Variants in CDC42EP3 observed in about 807,000 individuals in gnomAD.
CDC42EP3 encodes the protein CDC42 effector protein (Rho GTPase binding) 3.
In CDC42EP3, 4 loss-of-function variants were observed where a neutral mutation model predicts 15.5. The observed-to-expected ratio is 0.26, with a 90% confidence interval of 0.13 to 0.59. The LOEUF is 0.59. Among genes scored for constraint, CDC42EP3 ranks in the 20% least tolerant of loss-of-function variants. CDC42EP3 has a pLI of 0.89. For synonymous variants in CDC42EP3, 145 were observed against 130.3 expected, an observed-to-expected ratio of 1.11 and a Z score of -0.77; for missense variants, 309 against 311.2, an observed-to-expected ratio of 0.99 and a Z score of 0.05.
intron 1 of CDC42EP3, among the ~76,000 whole-genome samples, chr2:37,656,878 C>G (rs1218267598): frequency 1.3e-5 from 2 of 151,728 alleles, no homozygotes; most frequent in Non-Finnish European, 2.9e-5. Flanking sequence ...CCATCTCTAA[C>G]TCACTAGGAC....
rs981874486 is a variant in CDC42EP3, at chr2:37,642,090, G to A, written c.*3733C>T. 6.6e-6 allele frequency: 1 copy of A among 152,106 alleles called. No individual in the cohort carries two copies. Among genetic ancestry groups the A allele is most frequent in the African/African-American group, 2.4e-5 (1 of 41,408 alleles). 9.4% of individuals were successfully genotyped at this position (152,106 alleles called of 1,614,324 possible). A position where few individuals can be genotyped will look rare whatever the true frequency, so the allele number is the denominator to read the frequency against. ...AGCTGAAAAATATTTAGATCTACTT[G>A]CTCTAAGAATAAGGTCAACATTAAA... On this transcript the variant is annotated 3_prime_UTR_variant, in exon 2 of 2. Coordinates refer to ENST00000295324, the MANE Select transcript of CDC42EP3 (RefSeq NM_006449.5).
chr2:37,650,185 AC>A (rs1353548441), intron 1 of CDC42EP3, among the ~76,000 whole-genome samples: 1 of 152,124 alleles, frequency 6.6e-6, no homozygotes, highest in Non-Finnish European at 1.5e-5. Flanking sequence ...CTCAGGGGCA[AC>A]CATGATTGAT....
chr2:37,649,397 G>A (rs975122345), intron 1 of CDC42EP3, among the ~76,000 whole-genome samples: 1 of 137,214 alleles, frequency 7.3e-6, no homozygotes, highest in Admixed American at 8.0e-5. Context: ...CAAGGCTGCG[G>A]AGAGCTATGA....
At chr2:37,664,031 G>T (rs564772617) in intron 1 of CDC42EP3, among the ~76,000 whole-genome samples, 1 of 152,154 alleles carries the variant, frequency 6.6e-6, no homozygotes, top group Non-Finnish European at 1.5e-5. Context: ...AAAATTAGCC[G>T]GTCGTTGTGG....
chr2:37,645,794 T>C lies in CDC42EP3; in HGVS notation c.*29A>G. ...GTGGTTAGTTTGTTTTTGTACCTTT[T>C]ACCCCAAAGGAAAAAAGTTGGCATC... On this transcript the variant is annotated 3_prime_UTR_variant, in exon 2 of 2. Transcript: ENST00000295324. 2 of 1,506,818 alleles carry C rather than the reference T, an allele frequency of 1.3e-6. No homozygotes were observed. The highest frequency in any genetic ancestry group is 1.8e-6 in the Non-Finnish European group (2 of 1,128,546). 93.3% of individuals were successfully genotyped at this position (1,506,818 alleles called of 1,614,324 possible). A position where few individuals can be genotyped will look rare whatever the true frequency, so the allele number is the denominator to read the frequency against.
At chr2:37,664,139 A>C (rs932676375) in intron 1 of CDC42EP3, among the ~76,000 whole-genome samples, 9 of 152,108 alleles carry the variant, frequency 5.9e-5, no homozygotes, top group Non-Finnish European at 1.3e-4. Flanking sequence ...GCGCCACTGC[A>C]CTCCAGCCTG....
chr2:37,646,614 C>A lies in CDC42EP3; in HGVS notation c.-27G>T. 1 of 1,521,566 alleles carries A rather than the reference C, an allele frequency of 6.6e-7. No individual in the cohort carries two copies. Among genetic ancestry groups the A allele is most frequent in the Non-Finnish European group, 8.8e-7 (1 of 1,138,630 alleles). 94.3% of individuals were successfully genotyped at this position (1,521,566 alleles called of 1,614,324 possible). ...TTGGAATTTGAGAATGTCTATTTTG[C>A]AAGCGGGAGAAAGGGCCACTTTCTT... On this transcript the variant is annotated 5_prime_UTR_variant, in exon 2 of 2. Coordinates refer to ENST00000295324, the MANE Select transcript of CDC42EP3 (RefSeq NM_006449.5).
intron 1 of CDC42EP3, among the ~76,000 whole-genome samples, chr2:37,656,718 A>G (rs1343321720): frequency 6.6e-6 from 1 of 152,188 alleles, no homozygotes; most frequent in Non-Finnish European, 1.5e-5. Context: ...TAACTCAAGG[A>G]CTGCCAACCT....
At chr2:37,672,492 C>T (rs1666466023), upstream of CDC42EP3, 1 of 152,182 alleles carries the variant, frequency 6.6e-6, no homozygotes, top group African/African-American at 2.4e-5. Context: ...AAATTCAGGC[C>T]GCGGTGGCAC....
At chr2:37,649,809 T>C (rs1356850651) in intron 1 of CDC42EP3, among the ~76,000 whole-genome samples, 1 of 151,812 alleles carries the variant, frequency 6.6e-6, no homozygotes, top group Non-Finnish European at 1.5e-5. Context: ...AGGCAAAGGT[T>C]GGAGGGAAGC....
rs1012945422 is a variant in CDC42EP3 at position 37,671,414 on chromosome 2, GC to G, written c.-236+11del. 6.5e-6 allele frequency: 1 copy of G among 152,688 alleles called. No individual in the cohort carries two copies. The highest frequency in any genetic ancestry group is 2.4e-5 in the African/African-American group (1 of 41,460). 9.5% of individuals were successfully genotyped at this position (152,688 alleles called of 1,614,324 possible). On this transcript the variant is annotated intron_variant, in intron 1 of 1. Transcript: ENST00000295324. Reference sequence around the variant, plus strand: ...GGTAGAGAGGAAGGAGCCCTGGGCTGCCCCGACTCACCGGCCGCCGCTGAGG... The same window carrying G: ...GGTAGAGAGGAAGGAGCCCTGGGCTGCCCGACTCACCGGCCGCCGCTGAGG...
intron 1 of CDC42EP3, among the ~76,000 whole-genome samples, chr2:37,661,122 T>C (rs1666043833): frequency 7.1e-6 from 1 of 141,180 alleles, no homozygotes; most frequent in Non-Finnish European, 1.6e-5. Context: ...TGTGTGTGTG[T>C]GTGTGTGCGT....
At chr2:37,662,930 C>T (rs1666113107) in intron 1 of CDC42EP3, among the ~76,000 whole-genome samples, 3 of 152,072 alleles carry the variant, frequency 2.0e-5, no homozygotes, top group East Asian at 1.9e-4. Flanking sequence ...TTTGGGAGGC[C>T]GAGGCGGGCG....
upstream of CDC42EP3, chr2:37,671,977 C>T (rs943753706): frequency 1.3e-5 from 2 of 152,324 alleles, no homozygotes; most frequent in African/African-American, 4.8e-5. Flanking sequence ...AAAGAGGGAC[C>T]CGGAGGTGCT....
chr2:37,666,011 C>T (rs1666236721), intron 1 of CDC42EP3, among the ~76,000 whole-genome samples: 1 of 152,200 alleles, frequency 6.6e-6, no homozygotes, highest in Non-Finnish European at 1.5e-5. Context: ...TCTATTTCTA[C>T]ACACAGACAC....
chr2:37,667,969 A>G (rs1386034606), intron 1 of CDC42EP3, among the ~76,000 whole-genome samples: 2 of 152,226 alleles, frequency 1.3e-5, no homozygotes, highest in Non-Finnish European at 2.9e-5. Flanking sequence ...TCCTCCACGG[A>G]TATGTTCCAA....
intron 1 of CDC42EP3, among the ~76,000 whole-genome samples, chr2:37,656,237 C>T (rs1412521981): frequency 1.3e-5 from 2 of 152,246 alleles, no homozygotes; most frequent in Non-Finnish European, 2.9e-5. Flanking sequence ...CCACTACCAA[C>T]ATCCTTGCGT....
At chr2:37,654,442 G>A (rs988138388) in intron 1 of CDC42EP3, among the ~76,000 whole-genome samples, 3 of 152,104 alleles carry the variant, frequency 2.0e-5, no homozygotes, top group Non-Finnish European at 4.4e-5. Context: ...GAATTAACTT[G>A]TTCTGGGAGG....
intron 1 of CDC42EP3, among the ~76,000 whole-genome samples, chr2:37,655,608 A>T (rs1261652458): frequency 6.6e-6 from 1 of 152,182 alleles, no homozygotes. Context: ...TTCATTTATC[A>T]GGACGTGTTG....
Sources: gnomAD v4.1 joint callset for allele counts (sites outside exome capture counted in the v4.1 genomes callset) on GRCh38, gnomAD v4.1.1 for gene constraint, MANE v1.5 for transcripts, NCBI Gene and HGNC (gene_info 2026-07-23, HGNC 2026-07-21) for gene names.